NCOA3: variants seen among roughly 807,000 people sequenced by gnomAD.
NCOA3 encodes nuclear receptor coactivator 3.
A neutral mutation model predicts 158.8 loss-of-function variants in NCOA3; 51 were observed. The observed-to-expected ratio is 0.32, with a 90% confidence interval of 0.26 to 0.41. NCOA3 has a LOEUF of 0.41. Among genes scored for constraint, NCOA3 ranks in the 10% least tolerant of loss-of-function variants. NCOA3 has a pLI of 1.00. For synonymous variants in NCOA3, 537 were observed against 592.4 expected (o/e 0.91, Z 1.36); for missense variants, 1,510 against 1,746.6 (o/e 0.86, Z 2.41).
At chr20:47,525,470 T>C (rs1381995138) in intron 1 of NCOA3, among the ~76,000 whole-genome samples, 4 of 150,112 alleles carry the variant, frequency 2.7e-5, no homozygotes, top group South Asian at 4.3e-4. Flanking sequence ...GACGGGGTGG[T>C]GGCCGGGCAG....
At chr20:47,524,316 A>G (rs907572251) in intron 1 of NCOA3, among the ~76,000 whole-genome samples, 1 of 152,214 alleles carries the variant, frequency 6.6e-6, no homozygotes, top group Non-Finnish European at 1.5e-5. Context: ...TGCATGTTAG[A>G]CACACGGAGA....
chr20:47,559,024 G>A (rs1205199069), intron 1 of NCOA3, among the ~76,000 whole-genome samples: 1 of 151,652 alleles, frequency 6.6e-6, no homozygotes, highest in Non-Finnish European at 1.5e-5. Flanking sequence ...AGATTTTCAT[G>A]ATGTTTTCTC....
At chr20:47,638,960 T>G (rs1368851167) in intron 13 of NCOA3, 48 bp from the exon 14 acceptor site, 1 of 1,446,166 alleles carries the variant, frequency 6.9e-7, no homozygotes, top group Non-Finnish European at 9.4e-7. Context: ...ACTTGATTAT[T>G]TATATATTAA....
Position 47,618,377 on chromosome 20 carries a change from A to G in NCOA3, c.-19-3852A>G, listed in dbSNP as rs532381983. Among the ~76,000 whole-genome samples, 41 of 125,952 alleles carry G rather than the reference A, an allele frequency of 3.3e-4. 1 individual carries two copies. In the East Asian group the frequency reaches 4.1e-3, roughly 13 times the overall value. 82.6% of individuals were successfully genotyped at this position (125,952 alleles called of 152,430 possible). ...TTTTTTTTTTTTTTTTTTTATAGAC[A>G]GAATTCACTCTTGCTGCCTAGGCTG... On this transcript the variant is annotated intron_variant, in intron 2 of 22. Coordinates refer to ENST00000371998, the MANE Select transcript of NCOA3 (RefSeq NM_181659.3).
intron 2 of NCOA3, among the ~76,000 whole-genome samples, chr20:47,599,191 G>A (rs368008476): frequency 6.6e-6 from 1 of 152,118 alleles, no homozygotes; most frequent in Admixed American, 6.5e-5. Context: ...TGACTGAACC[G>A]ATATGTGCTA....
At chr20:47,563,622 C>T (rs184464949) in intron 1 of NCOA3, among the ~76,000 whole-genome samples, 4 of 152,230 alleles carry the variant, frequency 2.6e-5, no homozygotes, top group African/African-American at 4.8e-5. Context: ...CACAGTAGCT[C>T]ATGCCTGTAA....
intron 1 of NCOA3, among the ~76,000 whole-genome samples, chr20:47,535,252 A>G (rs1218017760): frequency 1.6e-4 from 25 of 152,174 alleles, no homozygotes; most frequent in Admixed American, 1.6e-3. Context: ...GCAGACGGAC[A>G]GGTCGTGAGG....
chr20:47,516,282 G>A (rs190595726), intron 1 of NCOA3, among the ~76,000 whole-genome samples: 2 of 152,028 alleles, frequency 1.3e-5, no homozygotes, highest in Admixed American at 1.3e-4. Flanking sequence ...TGGGCAGGAG[G>A]TATATGGCAA....
chr20:47,589,229 A>G (rs2085586312), intron 2 of NCOA3, among the ~76,000 whole-genome samples: 1 of 152,178 alleles, frequency 6.6e-6, no homozygotes, highest in African/African-American at 2.4e-5. Flanking sequence ...AATTATAGAT[A>G]TCCAGTTCCA....
intron 5 of NCOA3, among the ~76,000 whole-genome samples, 196 bp downstream of exon 5, chr20:47,625,677 G>A (rs1027083853): frequency 6.6e-6 from 1 of 151,932 alleles, no homozygotes. Context: ...AGGAAGCCTT[G>A]CCCCCCTAGT....
At chr20:47,632,354 A>T (rs2086433195) in intron 8 of NCOA3, among the ~76,000 whole-genome samples, 1 of 150,368 alleles carries the variant, frequency 6.7e-6, no homozygotes, top group Non-Finnish European at 1.5e-5. Flanking sequence ...CATCCTTTGG[A>T]AGCTCATCAA....
intron 2 of NCOA3, among the ~76,000 whole-genome samples, chr20:47,589,421 G>T (rs1230005721): frequency 6.6e-6 from 1 of 151,984 alleles, no homozygotes; most frequent in Non-Finnish European, 1.5e-5. Context: ...TGTCACTCAG[G>T]CTGACGTGCA....
chr20:47,539,109 A>G (rs771573835), intron 1 of NCOA3, among the ~76,000 whole-genome samples: 1 of 152,076 alleles, frequency 6.6e-6, no homozygotes, highest in African/African-American at 2.4e-5. Context: ...CTTTGGGACA[A>G]TCTGTTGACT....
chr20:47,644,963 T>C (rs1432968316), intron 17 of NCOA3, among the ~76,000 whole-genome samples: 40 of 151,908 alleles, frequency 2.6e-4, no homozygotes, highest in Admixed American at 2.6e-3. Context: ...CCCAAAGTGC[T>C]GAGATTACAG....
chr20:47,649,962 A>G (rs780967594), intron 19 of NCOA3, among the ~76,000 whole-genome samples: 1 of 151,842 alleles, frequency 6.6e-6, no homozygotes, highest in African/African-American at 2.4e-5. Context: ...AGAAAGTTCA[A>G]GATTTTCTGA....
intron 3 of NCOA3, 47 bp downstream of exon 3, chr20:47,622,377 G>T (rs1397491930): frequency 2.4e-6 from 3 of 1,254,900 alleles, no homozygotes; most frequent in Non-Finnish European, 3.3e-6. Flanking sequence ...TTGTGCCTTT[G>T]TTTAAGGATA....
intron 1 of NCOA3, among the ~76,000 whole-genome samples, chr20:47,540,868 T>A (rs994937459): frequency 6.6e-6 from 1 of 152,206 alleles, no homozygotes; most frequent in Non-Finnish European, 1.5e-5. Context: ...TGGGGTAATC[T>A]AGGGAAGGAT....
chr20:47,575,364 A>G (rs1480074992), intron 1 of NCOA3, among the ~76,000 whole-genome samples: 3 of 152,240 alleles, frequency 2.0e-5, no homozygotes, highest in African/African-American at 7.2e-5. Flanking sequence ...TGAAAAAACA[A>G]CTAGGTCTAT....
chr20:47,607,391 G>A (rs1366960222), intron 2 of NCOA3, among the ~76,000 whole-genome samples: 3 of 152,150 alleles, frequency 2.0e-5, no homozygotes, highest in Admixed American at 6.5e-5. Flanking sequence ...TAATGGAGAA[G>A]GCATAGACTT....
Sources: allele counts gnomAD v4.1 joint callset (sites outside exome capture counted in the v4.1 genomes callset), GRCh38; gene constraint gnomAD v4.1.1; transcripts MANE v1.5; gene names NCBI Gene and HGNC (gene_info 2026-07-23, HGNC 2026-07-21).